The following NRXN3 variants were observed in gnomAD, a reference collection of about 807,000 sequenced individuals.
The protein encoded by NRXN3 is neurexin III.
Under a neutral mutation model 137.6 loss-of-function variants are expected in NRXN3, and 32 were observed. That is an observed-to-expected ratio of 0.23 (90% CI 0.18 to 0.31). NRXN3 has a LOEUF of 0.31. Among genes scored for constraint, NRXN3 ranks in the 10% least tolerant of loss-of-function variants. The pLI, the probability that NRXN3 is intolerant of heterozygous loss-of-function variation, is 1.00. For missense variants in NRXN3, 1,574 were observed against 2,062.5 expected (o/e 0.76, Z 4.59); for synonymous variants, 798 against 784.5 (o/e 1.02, Z -0.29).
At chr14:78,510,038 TTTTATATA>T (rs1233946014) in intron 4 of NRXN3, among the ~76,000 whole-genome samples, 1 of 113,282 alleles carries the variant, frequency 8.8e-6, no homozygotes, top group African/African-American at 3.8e-5. Flanking sequence ...CATGACAAAA[TTTTATATA>T]TATATATATA....
intron 10 of NRXN3, among the ~76,000 whole-genome samples, chr14:78,880,239 C>CA (rs59348965): frequency 0.053 from 2,329 of 44,178 alleles, 94 homozygotes; most frequent in Non-Finnish European, 0.067. Context: ...GACTCCGTCT[C>CA]AAAAAAAAAA....
At chr14:78,225,996 T>TGG (rs2064597404) in intron 1 of NRXN3, among the ~76,000 whole-genome samples, 1 of 150,228 alleles carries the variant, frequency 6.7e-6, no homozygotes, top group Non-Finnish European at 1.5e-5. Context: ...TGTGTGTGTG[T>TGG]GTGTGTGTGT....
intron 19 of NRXN3, among the ~76,000 whole-genome samples, chr14:79,792,838 G>A (rs2099149507): frequency 3.3e-5 from 5 of 152,084 alleles, no homozygotes; most frequent in African/African-American, 1.2e-4. Context: ...TCTGAGTTCC[G>A]GTTTTGTCAT....
intron 15 of NRXN3, among the ~76,000 whole-genome samples, chr14:78,998,076 T>C (rs1194416558): frequency 6.6e-6 from 1 of 152,160 alleles, no homozygotes; most frequent in Non-Finnish European, 1.5e-5. Flanking sequence ...GCTGGAGCAG[T>C]CTTAAATCTC....
rs895492525 is a variant in NRXN3 at position 79,811,747 on chromosome 14, A to G, written c.4093+6557A>G. Reference sequence around the variant, plus strand: ...CAGACGCCCGCCACCACGCCCGGCTAATTTTTTTCTATTTTTAGTAGAGAC... The same window carrying G: ...CAGACGCCCGCCACCACGCCCGGCTGATTTTTTTCTATTTTTAGTAGAGAC... On this transcript the variant is annotated intron_variant, in intron 20 of 20. Transcript: ENST00000335750. 2.6e-5 allele frequency among the ~76,000 whole-genome samples: 4 copies of G among 151,562 alleles called. No individual in the cohort carries two copies. The East Asian group carries it at 7.8e-4, about 30-fold the overall frequency.
chr14:78,288,987 A>G (rs188039606), intron 3 of NRXN3, among the ~76,000 whole-genome samples: 5 of 152,324 alleles, frequency 3.3e-5, no homozygotes, highest in Admixed American at 1.3e-4. Flanking sequence ...ATTACATGGT[A>G]CAAAAGGCTA....
At chr14:78,410,369 C>T (rs2092752677) in intron 4 of NRXN3, among the ~76,000 whole-genome samples, 1 of 152,154 alleles carries the variant, frequency 6.6e-6, no homozygotes, top group African/African-American at 2.4e-5. Context: ...ACCTATGTTT[C>T]CTTATTCTCC....
Position 79,510,011 on chromosome 14 carries a change from G to C in NRXN3, c.3444+42609G>C, listed in dbSNP as rs1013498343. 3.3e-5 allele frequency among the ~76,000 whole-genome samples: 5 copies of C among 152,194 alleles called. No homozygotes were observed. The South Asian group carries it at 1.0e-3, about 32-fold the overall frequency. ...TGTCACTGAGTATGCAGTGCTCACAGATGTGGGGAATACCTATGTACATCA... is the reference window on the plus strand; with the variant it reads ...TGTCACTGAGTATGCAGTGCTCACACATGTGGGGAATACCTATGTACATCA... On this transcript the variant is annotated intron_variant, in intron 16 of 20. Transcript: ENST00000335750.
intron 15 of NRXN3, among the ~76,000 whole-genome samples, chr14:79,366,465 C>T (rs1039300689): frequency 6.6e-6 from 1 of 152,148 alleles, no homozygotes; most frequent in Non-Finnish European, 1.5e-5. Context: ...CTTCTCTCCC[C>T]AATACCCTTC....
chr14:79,125,152 A>C (rs1174028729), intron 15 of NRXN3, among the ~76,000 whole-genome samples: 2 of 152,208 alleles, frequency 1.3e-5, no homozygotes, highest in Non-Finnish European at 2.9e-5. Flanking sequence ...CCAGATCTTC[A>C]TCTGGCTGTC....
At chr14:79,299,279 T>C (rs2084734539) in intron 15 of NRXN3, among the ~76,000 whole-genome samples, 1 of 152,092 alleles carries the variant, frequency 6.6e-6, no homozygotes, top group African/African-American at 2.4e-5. Flanking sequence ...CACAGCCATG[T>C]AGAGGACGAA....
chr14:79,852,994 A>C (rs2099395089), intron 20 of NRXN3, among the ~76,000 whole-genome samples: 1 of 152,104 alleles, frequency 6.6e-6, no homozygotes, highest in Non-Finnish European at 1.5e-5. Context: ...CTCCCTCTTT[A>C]AATGTGGAAC....
At chr14:79,763,801 C>G (rs2099047017) in intron 19 of NRXN3, among the ~76,000 whole-genome samples, 1 of 151,514 alleles carries the variant, frequency 6.6e-6, no homozygotes, top group Non-Finnish European at 1.5e-5. Context: ...TTCCCCAAAA[C>G]TCCACCTCCT....
chr14:79,365,582 G>A (rs1444952184), intron 15 of NRXN3, among the ~76,000 whole-genome samples: 2 of 150,848 alleles, frequency 1.3e-5, no homozygotes, highest in South Asian at 2.1e-4. Flanking sequence ...AGCCGGGCGC[G>A]GTGGCGGGCG....
chr14:78,314,851 T>A (rs1271853609), intron 4 of NRXN3, among the ~76,000 whole-genome samples: 2 of 150,638 alleles, frequency 1.3e-5, no homozygotes, highest in Non-Finnish European at 3.0e-5. Flanking sequence ...CACACATGTA[T>A]GTGTATTTTG....
intron 14 of NRXN3, among the ~76,000 whole-genome samples, chr14:78,974,486 T>C (rs956783319): frequency 2.6e-5 from 4 of 152,246 alleles, no homozygotes; most frequent in African/African-American, 9.6e-5. Flanking sequence ...GAGTCATTGA[T>C]TTCTATGCCT....
chr14:79,485,691 G>GT (rs2096649707), intron 16 of NRXN3, among the ~76,000 whole-genome samples: 5 of 151,852 alleles, frequency 3.3e-5, no homozygotes, highest in African/African-American at 4.8e-5. Flanking sequence ...ATTACTGTGA[G>GT]TATCAGATTT....
At chr14:78,426,412 C>G (rs555395971) in intron 4 of NRXN3, among the ~76,000 whole-genome samples, 2 of 150,482 alleles carry the variant, frequency 1.3e-5, no homozygotes, top group Non-Finnish European at 3.0e-5. Flanking sequence ...GGGGAAAAAT[C>G]TTTTCCTTCT....
chr14:79,674,341 C>T (rs995036455), intron 17 of NRXN3, among the ~76,000 whole-genome samples: 5 of 151,874 alleles, frequency 3.3e-5, no homozygotes, highest in African/African-American at 4.8e-5. Context: ...TAGACATGTG[C>T]GTACACCTGT....
Sources: gnomAD v4.1 joint callset for allele counts (sites outside exome capture counted in the v4.1 genomes callset) on GRCh38, gnomAD v4.1.1 for gene constraint, MANE v1.5 for transcripts, NCBI Gene and HGNC (gene_info 2026-07-23, HGNC 2026-07-21) for gene names.